RBM19: variants seen among roughly 807,000 people sequenced by gnomAD.
RBM19 encodes probable RNA-binding protein 19.
A neutral mutation model predicts 116.8 loss-of-function variants in RBM19; 94 were observed. That is an observed-to-expected ratio of 0.80 (90% CI 0.68 to 0.95). The LOEUF is 0.95. RBM19 is among the 40% of genes least tolerant of loss of function. The pLI, the probability that RBM19 is intolerant of heterozygous loss-of-function variation, is 0.00. For synonymous variants in RBM19, 475 were observed against 494.1 expected, an observed-to-expected ratio of 0.96 and a Z score of 0.51; for missense variants, 1,161 against 1,220.7, an observed-to-expected ratio of 0.95 and a Z score of 0.73.
intron 21 of RBM19, among the ~76,000 whole-genome samples, chr12:113,880,954 A>C (rs960335564): frequency 6.6e-6 from 1 of 152,142 alleles, no homozygotes; most frequent in African/African-American, 2.4e-5. Context: ...TCCTAAAAAC[A>C]CTGCTGTCAT....
rs1248750140 is a variant in RBM19, at chr12:113,956,427, A to G, written c.841-1216T>C. ...GAAACTCCATCTCTACTAAAAATAC[A>G]AAAATTAGCTGGGTGTGGTGGTGTG... On this transcript the variant is annotated intron_variant, in intron 6 of 23. Transcript: ENST00000261741. Among the ~76,000 whole-genome samples, 9 of 151,938 alleles carry G rather than the reference A, an allele frequency of 5.9e-5. No individual in the cohort carries two copies. In the East Asian group the frequency reaches 1.4e-3, roughly 23 times the overall value.
At chr12:113,901,658 GC>G (rs1283713349) in intron 21 of RBM19, among the ~76,000 whole-genome samples, 2 of 152,018 alleles carry the variant, frequency 1.3e-5, no homozygotes, top group East Asian at 3.9e-4. Flanking sequence ...ACAGGCGCCT[GC>G]CACCACGCCT....
chr12:113,954,540 T>C (rs544972216), intron 7 of RBM19, among the ~76,000 whole-genome samples: 108 of 152,348 alleles, frequency 7.1e-4, no homozygotes, highest in African/African-American at 2.5e-3. Flanking sequence ...CAATTTAGTG[T>C]AGATGATAAT....
intron 20 of RBM19, among the ~76,000 whole-genome samples, chr12:113,917,014 A>G (rs4767162): frequency 0.71 from 108,241 of 152,198 alleles, 39,027 homozygotes; most frequent in East Asian, 0.98. Flanking sequence ...GTGGCAATTG[A>G]CTACCATATT....
chr12:113,879,091 C>T (rs1879896722), intron 21 of RBM19, among the ~76,000 whole-genome samples: 1 of 152,140 alleles, frequency 6.6e-6, no homozygotes, highest in Admixed American at 6.5e-5. Flanking sequence ...TCCCCGCCAG[C>T]GTTCTGCCCC....
At chr12:113,823,442 G>T (rs1874596553) in intron 23 of RBM19, 121 bp from the exon 24 acceptor site, 1 of 775,318 alleles carries the variant, frequency 1.3e-6, no homozygotes, top group Admixed American at 2.3e-5. Context: ...AGGGTGCGGG[G>T]AGACAGAACA....
chr12:113,947,501 C>A, intron 10 of RBM19, 37 bp from the exon 11 acceptor site: 1 of 1,565,008 alleles, frequency 6.4e-7, no homozygotes, highest in Non-Finnish European at 8.7e-7. Flanking sequence ...TGGTAGGCCG[C>A]AGCCACTTGG....
intron 13 of RBM19, among the ~76,000 whole-genome samples, chr12:113,944,693 G>A (rs1870872287): frequency 6.6e-6 from 1 of 151,870 alleles, no homozygotes; most frequent in Non-Finnish European, 1.5e-5. Flanking sequence ...CACTCGGGAG[G>A]TGAGGTGGGA....
At chr12:113,911,695 T>C (rs966712824) in intron 21 of RBM19, among the ~76,000 whole-genome samples, 2 of 152,178 alleles carry the variant, frequency 1.3e-5, no homozygotes, top group South Asian at 2.1e-4. Context: ...ATTTGGGCTC[T>C]GGAGCTGGTT....
At chr12:113,953,698 T>C (rs1213745268) in intron 7 of RBM19, among the ~76,000 whole-genome samples, 1 of 152,242 alleles carries the variant, frequency 6.6e-6, no homozygotes, top group Non-Finnish European at 1.5e-5. Context: ...AGAGGGCAAC[T>C]GATATTATGT....
intron 5 of RBM19, among the ~76,000 whole-genome samples, chr12:113,958,485 C>A (rs1405575700): frequency 6.6e-6 from 1 of 152,118 alleles, no homozygotes; most frequent in African/African-American, 2.4e-5. Flanking sequence ...CACATTGAGC[C>A]CCTCAAGCCC....
At chr12:113,867,271 C>G (rs760835899) in intron 21 of RBM19, among the ~76,000 whole-genome samples, 1 of 152,214 alleles carries the variant, frequency 6.6e-6, no homozygotes, top group South Asian at 2.1e-4. Context: ...AATCATCCCT[C>G]GCCAATCTCC....
At chr12:113,906,786 A>G (rs909042976) in intron 21 of RBM19, among the ~76,000 whole-genome samples, 6 of 151,982 alleles carry the variant, frequency 3.9e-5, no homozygotes, top group South Asian at 2.1e-4. Flanking sequence ...ATGTCTCCCA[A>G]ATGATGTGTA....
chr12:113,845,415 A>C (rs1216928632), intron 22 of RBM19, among the ~76,000 whole-genome samples: 2 of 152,016 alleles, frequency 1.3e-5, no homozygotes, highest in African/African-American at 4.8e-5. Flanking sequence ...CCCGACTCCC[A>C]CATGCTGCCT....
intron 9 of RBM19, 62 bp downstream of exon 9, chr12:113,950,021 G>T: frequency 7.1e-7 from 1 of 1,412,740 alleles, no homozygotes; most frequent in Non-Finnish European, 9.9e-7. Flanking sequence ...AACGTGTAAA[G>T]GAAATGAAGG....
intron 4 of RBM19, among the ~76,000 whole-genome samples, 170 bp downstream of exon 4, chr12:113,959,695 C>T (rs183013699): frequency 3.2e-4 from 48 of 152,086 alleles, no homozygotes; most frequent in African/African-American, 1.1e-3. Flanking sequence ...AGCCTCTTCC[C>T]TCTCCCAGTG....
At chr12:113,841,566 G>A (rs1282697953) in intron 23 of RBM19, among the ~76,000 whole-genome samples, 1 of 151,966 alleles carries the variant, frequency 6.6e-6, no homozygotes, top group South Asian at 2.1e-4. Flanking sequence ...TGGGACTATA[G>A]GCATGCGCCA....
At chr12:113,917,819 T>C (rs1465754484) in intron 20 of RBM19, among the ~76,000 whole-genome samples, 1 of 151,428 alleles carries the variant, frequency 6.6e-6, no homozygotes, top group Non-Finnish European at 1.5e-5. Context: ...CATTTAGATA[T>C]ACAAGCAGGT....
intron 18 of RBM19, among the ~76,000 whole-genome samples, chr12:113,923,658 C>T (rs181824091): frequency 7.7e-4 from 117 of 152,354 alleles, no homozygotes; most frequent in Non-Finnish European, 8.8e-5. Context: ...TTGGCCACTG[C>T]AGTGTGAGTG....
Sources: gnomAD v4.1 joint callset for allele counts (sites outside exome capture counted in the v4.1 genomes callset) on GRCh38, gnomAD v4.1.1 for gene constraint, MANE v1.5 for transcripts, NCBI Gene and HGNC (gene_info 2026-07-23, HGNC 2026-07-21) for gene names.